Variants in SORCS2 observed in about 807,000 individuals in gnomAD.
SORCS2 encodes VPS10 domain-containing receptor SorCS2.
Under a neutral mutation model 141.6 loss-of-function variants are expected in SORCS2, and 100 were observed. That is an observed-to-expected ratio of 0.71 (90% CI 0.60 to 0.83). The LOEUF (loss-of-function observed/expected upper bound fraction) is 0.83. Among genes scored for constraint, SORCS2 ranks in the 40% least tolerant of loss-of-function variants. SORCS2 has a pLI of 0.00. For synonymous variants in SORCS2, 789 were observed against 676.9 expected, an observed-to-expected ratio of 1.17 and a Z score of -2.57; for missense variants, 1,646 against 1,560.2, an observed-to-expected ratio of 1.05 and a Z score of -0.93.
At chr4:7,388,817 G>A (rs1312688424) in intron 1 of SORCS2, among the ~76,000 whole-genome samples, 1 of 152,178 alleles carries the variant, frequency 6.6e-6, no homozygotes, top group Non-Finnish European at 1.5e-5. Context: ...GCCCGGGGCT[G>A]CCTTGAGTGG....
intron 2 of SORCS2, chr4:7,433,646 TCTCC>T: frequency 6.2e-7 from 1 of 1,610,458 alleles, no homozygotes; most frequent in Non-Finnish European, 8.5e-7. Context: ...GTGCTCTTGC[TCTCC>T]AAGTTGTGGG....
intron 1 of SORCS2, among the ~76,000 whole-genome samples, chr4:7,304,474 C>T (rs956848610): frequency 1.3e-5 from 2 of 152,302 alleles, no homozygotes; most frequent in African/African-American, 4.8e-5. Flanking sequence ...GGTCGGCGGC[C>T]CTCCTGCCTC....
chr4:7,705,057 G>A (rs1725335138), intron 14 of SORCS2, among the ~76,000 whole-genome samples: 1 of 152,168 alleles, frequency 6.6e-6, no homozygotes, highest in Non-Finnish European at 1.5e-5. Flanking sequence ...GACCTTATTT[G>A]GAAATGGGGT....
chr4:7,726,771 C>A lies in SORCS2; in HGVS notation c.2746-9C>A. 1.2e-6 allele frequency: 2 copies of A among 1,612,546 alleles called. No individual in the cohort carries two copies. The highest frequency in any genetic ancestry group is 1.7e-6 in the Non-Finnish European group (2 of 1,179,254). ...GGCCAGGCCCCTAAGCCCTGCTGTG[C>A]CCCTGCAGCCCCTCCTTTCCCTGGA... On this transcript the variant is annotated splice_polypyrimidine_tract_variant and intron_variant, in intron 20 of 26. Transcript: ENST00000507866.
intron 3 of SORCS2, among the ~76,000 whole-genome samples, chr4:7,583,504 G>A (rs557709126): frequency 1.3e-5 from 2 of 152,260 alleles, no homozygotes; most frequent in Admixed American, 6.5e-5. Context: ...ATCTTTAATT[G>A]TAGCTCCCAT....
At chr4:7,433,737 G>A (rs139203507) in intron 2 of SORCS2, 13 of 1,613,272 alleles carry the variant, frequency 8.1e-6, no homozygotes, top group African/African-American at 1.3e-5. Context: ...GGGACGGCAC[G>A]ATGGCATAGG....
At position 7,667,143 on chromosome 4, in the gene SORCS2, C is replaced by A; in HGVS notation, c.1091C>A (p.Thr364Lys). The A allele has an allele frequency of 1.2e-6, 2 of 1,613,530 alleles. No homozygotes were observed. Among genetic ancestry groups the A allele is most frequent in the Middle Eastern group, 3.3e-4 (2 of 6,056 alleles). ...IFFKATSANQ[T>K]KYYVSYRRNE... ...GGTTAGGCAACATCAGCAAACCAGA[C>A]AAAATACTACGTCTCTTATCGTCGA... Residue 364 changes from threonine (T) to lysine (K), a missense_variant, in exon 8 of 27, where the codon ACA becomes AAA. Coordinates refer to ENST00000507866, the MANE Select transcript of SORCS2 (RefSeq NM_020777.3).
intron 10 of SORCS2, among the ~76,000 whole-genome samples, chr4:7,689,020 GT>G (rs969222903): frequency 3.1e-4 from 47 of 152,308 alleles, no homozygotes; most frequent in African/African-American, 1.1e-3. Flanking sequence ...AAGGTTCTGG[GT>G]AGGTGAATGA....
chr4:7,639,952 T>C lies in SORCS2; in HGVS notation c.813+1460T>C, dbSNP rs554617746. Among the ~76,000 whole-genome samples, 14 of 149,990 alleles carry C rather than the reference T, an allele frequency of 9.3e-5. No individual in the cohort carries two copies. In the South Asian group the frequency reaches 2.3e-3, roughly 25 times the overall value. On this transcript the variant is annotated intron_variant, in intron 4 of 26. Transcript: ENST00000507866. ...GAGAATATGTCTGTGTTTGTGAGAA[T>C]GAGTGTGGGTGTGAATCTGAGTGTA...
chr4:7,220,662 T>C (rs1177826537), intron 1 of SORCS2, among the ~76,000 whole-genome samples: 2 of 152,170 alleles, frequency 1.3e-5, no homozygotes, highest in Non-Finnish European at 2.9e-5. Context: ...GAAAGTTCCA[T>C]GTGTGGGGAC....
chr4:7,544,029 C>T (rs577742254), intron 3 of SORCS2, among the ~76,000 whole-genome samples: 3 of 144,854 alleles, frequency 2.1e-5, no homozygotes, highest in Non-Finnish European at 1.5e-5. Flanking sequence ...TCCATCCATC[C>T]AGCCACCCAC....
intron 1 of SORCS2, among the ~76,000 whole-genome samples, chr4:7,207,950 G>A (rs567883714): frequency 3.7e-4 from 57 of 152,202 alleles, no homozygotes; most frequent in Non-Finnish European, 7.4e-4. Context: ...GGGCAATGAC[G>A]GGGAAATCCA....
intron 3 of SORCS2, among the ~76,000 whole-genome samples, chr4:7,602,136 G>A (rs561609851): frequency 5.9e-4 from 90 of 152,318 alleles, no homozygotes; most frequent in Non-Finnish European, 9.1e-4. Flanking sequence ...ACTTCCACTC[G>A]ACAAAACCGC....
intron 2 of SORCS2, among the ~76,000 whole-genome samples, chr4:7,425,784 A>T (rs1726392849): frequency 6.6e-6 from 1 of 152,110 alleles, no homozygotes. Context: ...TGGGGTCCCC[A>T]CCTCGCTGGA....
At chr4:7,489,210 T>A (rs1387714136) in intron 2 of SORCS2, among the ~76,000 whole-genome samples, 4 of 152,184 alleles carry the variant, frequency 2.6e-5, no homozygotes, top group Non-Finnish European at 5.9e-5. Context: ...TGTCTTTGGG[T>A]GCTGGGTGGC....
At chr4:7,689,751 C>T (rs114287516) in intron 11 of SORCS2, among the ~76,000 whole-genome samples, 163 bp downstream of exon 11, 1,805 of 152,350 alleles carry the variant, frequency 0.012, 40 homozygotes, top group African/African-American at 0.041. Context: ...ATGGCAAATT[C>T]CGAGAAATGA....
At chr4:7,334,757 G>A (rs1719882569) in intron 1 of SORCS2, among the ~76,000 whole-genome samples, 1 of 152,254 alleles carries the variant, frequency 6.6e-6, no homozygotes, top group Middle Eastern at 3.4e-3. Context: ...CGGACAAAGT[G>A]CCTGGGCCCA....
At chr4:7,241,518 C>T (rs2108791419) in intron 1 of SORCS2, among the ~76,000 whole-genome samples, 1 of 152,272 alleles carries the variant, frequency 6.6e-6, no homozygotes, top group African/African-American at 2.4e-5. Context: ...GTGCACTCTT[C>T]CATGTCAGGC....
intron 1 of SORCS2, among the ~76,000 whole-genome samples, chr4:7,375,899 G>A (rs1046140112): frequency 1.3e-5 from 2 of 152,262 alleles, no homozygotes; most frequent in African/African-American, 2.4e-5. Flanking sequence ...TTATTCGTGC[G>A]CAGGTTACTT....
Sources: gnomAD v4.1 joint callset for allele counts (sites outside exome capture counted in the v4.1 genomes callset) on GRCh38, gnomAD v4.1.1 for gene constraint, MANE v1.5 for transcripts, NCBI Gene and HGNC (gene_info 2026-07-23, HGNC 2026-07-21) for gene names.